GID4: variants seen among roughly 807,000 people sequenced by gnomAD.
GID4 encodes glucose-induced degradation protein 4 homolog.
A neutral mutation model predicts 32.4 loss-of-function variants in GID4; 7 were observed. That is an observed-to-expected ratio of 0.22 (90% CI 0.12 to 0.41). The LOEUF is 0.41. Ranked by LOEUF, GID4 falls within the 10% of genes least tolerant of loss-of-function variation. The pLI, the probability that GID4 is intolerant of heterozygous loss-of-function variation, is 1.00. For synonymous variants in GID4, 166 were observed against 170.0 expected, an observed-to-expected ratio of 0.98 and a Z score of 0.18; for missense variants, 309 against 400.0, an observed-to-expected ratio of 0.77 and a Z score of 1.94.
intron 5 of GID4, 120 bp downstream of exon 5, chr17:18,062,095 T>C: frequency 2.1e-6 from 2 of 966,118 alleles, no homozygotes; most frequent in Admixed American, 2.0e-5. Context: ...TGTGCTTTAT[T>C]TGGATGCTGA....
intron 3 of GID4, chr17:18,057,093 A>C (rs1364702995): frequency 8.0e-6 from 12 of 1,494,004 alleles, no homozygotes; most frequent in Admixed American, 4.4e-5. Flanking sequence ...TTATAGTGGT[A>C]CTATAAAGTC....
intron 5 of GID4, 114 bp downstream of exon 5, chr17:18,062,089 C>A: frequency 9.7e-7 from 1 of 1,026,848 alleles, no homozygotes; most frequent in Non-Finnish European, 1.5e-6. Context: ...AGATTCTGTG[C>A]TTTATTTGGA....
At chr17:18,060,731 T>TTTCG (rs1162713611) in intron 4 of GID4, among the ~76,000 whole-genome samples, 7 of 151,862 alleles carry the variant, frequency 4.6e-5, no homozygotes, top group Admixed American at 6.6e-5. Context: ...TTTTGGGTTT[T>TTTCG]TTTGTTTGTT....
rs76769873 is a variant in GID4, at chr17:18,040,241, A to G, written c.438+339A>G. On this transcript the variant is annotated intron_variant, in intron 1 of 5. Transcript: ENST00000268719. ...TTCCTCCCCATGACCTGTCGTCCCTAGATCAGGGACTGCCACCAGCCCTTT... is the reference window on the plus strand; with the variant it reads ...TTCCTCCCCATGACCTGTCGTCCCTGGATCAGGGACTGCCACCAGCCCTTT... Among the ~76,000 whole-genome samples, 939 of 152,122 alleles carry G rather than the reference A, an allele frequency of 6.2e-3. 16 individuals are homozygous for G. Among genetic ancestry groups the G allele is most frequent in the African/African-American group, 0.022 (906 of 41,506 alleles).
intron 2 of GID4, among the ~76,000 whole-genome samples, chr17:18,047,609 A>G (rs754748241): frequency 4.6e-5 from 7 of 152,198 alleles, no homozygotes; most frequent in Non-Finnish European, 1.0e-4. Context: ...GGCTAACCCA[A>G]GGGGAGCCCT....
chr17:18,039,922 G>A lies in GID4; in HGVS notation c.438+20G>A. 1 of 1,355,256 alleles carries A rather than the reference G, an allele frequency of 7.4e-7. No individual in the cohort carries two copies. The highest frequency in any genetic ancestry group is 9.6e-7 in the Non-Finnish European group (1 of 1,047,086). The allele number at this position is 1,355,256 out of a possible 1,614,324, so 84.0% of individuals were successfully genotyped here. ...CTGCAGGTGAGCGCCGGGCCGGGCC[G>A]GGGCCCGAGGGCCTCCTCGCGGCGC... On this transcript the variant is annotated intron_variant, in intron 1 of 5. Coordinates refer to ENST00000268719, the MANE Select transcript of GID4 (RefSeq NM_024052.5). The surrounding 1 kb of genome is among the most constrained non-coding windows in gnomAD (Gnocchi z 5.3).
At chr17:18,062,781 A>T (rs2045027151) in intron 5 of GID4, among the ~76,000 whole-genome samples, 1 of 152,190 alleles carries the variant, frequency 6.6e-6, no homozygotes. Flanking sequence ...AATCCTTTTT[A>T]AAAATAACAG....
At position 18,039,911 on chromosome 17, in the gene GID4, C is replaced by G; in HGVS notation, c.438+9C>G. 1 of 1,370,950 alleles carries G rather than the reference C, an allele frequency of 7.3e-7. No individual in the cohort carries two copies. 84.9% of individuals were successfully genotyped at this position (1,370,950 alleles called of 1,614,324 possible). A position where few individuals can be genotyped will look rare whatever the true frequency, so the allele number is the denominator to read the frequency against. On this transcript the variant is annotated intron_variant, in intron 1 of 5. Coordinates refer to ENST00000268719, the MANE Select transcript of GID4 (RefSeq NM_024052.5). The surrounding 1 kb of genome is among the most constrained non-coding windows in gnomAD (Gnocchi z 5.3). The stretch of plus-strand genomic sequence containing the variant: ...TAGAGGTGGTGCTGCAGGTGAGCGC[C>G]GGGCCGGGCCGGGGCCCGAGGGCCT...
intron 2 of GID4, among the ~76,000 whole-genome samples, chr17:18,048,166 G>A (rs113384331): frequency 6.6e-6 from 1 of 151,274 alleles, no homozygotes; most frequent in African/African-American, 2.4e-5. Flanking sequence ...CTCCCATAGC[G>A]CTGGGATTAC....
Position 18,054,209 on chromosome 17 carries a change from A to G in GID4, c.581A>G (p.Asp194Gly). 3 of 1,610,802 alleles carry G rather than the reference A, an allele frequency of 1.9e-6. No homozygotes were observed. The highest frequency in any genetic ancestry group is 1.1e-5 in the South Asian group (1 of 90,844). The stretch of plus-strand genomic sequence containing the variant: ...TTCTTAACTCGCAAGTGGGATGCAG[A>G]TGAAGATGTTGATCGGAAACACTGG... The part of the protein sequence containing the change: ...HPFLTRKWDA[D>G]EDVDRKHWGK... The change falls in exon 3 of 6, where the codon GAT becomes GGT. Residue 194 changes from aspartate (D) to glycine (G), a missense_variant. Physicochemically the swap from Asp to Gly is moderately conservative, Grantham distance 94. Transcript: ENST00000268719.
intron 1 of GID4, 136 bp downstream of exon 1, chr17:18,040,038 C>G: frequency 8.6e-7 from 1 of 1,164,048 alleles, no homozygotes; most frequent in South Asian, 3.9e-5. Flanking sequence ...GCTTCCCACC[C>G]GGGACCTTCC....
At chr17:18,045,621 G>A (rs950672566) in intron 2 of GID4, among the ~76,000 whole-genome samples, 2 of 151,954 alleles carry the variant, frequency 1.3e-5, no homozygotes, top group Non-Finnish European at 2.9e-5. Context: ...CTGACTGGTC[G>A]CGGTGGCTCA....
At chr17:18,054,053 T>A in intron 2 of GID4, 74 bp from the exon 3 acceptor site, 1 of 813,330 alleles carries the variant, frequency 1.2e-6, no homozygotes, top group South Asian at 1.8e-5. Flanking sequence ...TAAAGCAAAG[T>A]TTATTTTTCC....
At chr17:18,051,635 A>G (rs1319870415) in intron 2 of GID4, among the ~76,000 whole-genome samples, 1 of 151,774 alleles carries the variant, frequency 6.6e-6, no homozygotes, top group Non-Finnish European at 1.5e-5. Flanking sequence ...AGGTTGTACC[A>G]CTGCACACCA....
At chr17:18,048,830 A>G (rs1168273941) in intron 2 of GID4, among the ~76,000 whole-genome samples, 1 of 151,374 alleles carries the variant, frequency 6.6e-6, no homozygotes, top group African/African-American at 2.4e-5. Context: ...TTTAGTAGAA[A>G]TGGGGTTTTA....
chr17:18,039,992 A>G lies in GID4; in HGVS notation c.438+90A>G, dbSNP rs906383026. ...CGGCTCCTCGACCCCGCAGCCGCGG[A>G]ACAGGCCCTCGCCGCCGGGGCCTCC... On this transcript the variant is annotated intron_variant, in intron 1 of 5. Transcript: ENST00000268719. This position sits in a 1 kb window ranked among gnomAD's most constrained non-coding sequence, Gnocchi z 5.3. The G allele has an allele frequency of 4.8e-6, 6 of 1,259,780 alleles. No homozygotes were observed. The Admixed American group carries it at 2.1e-4, about 45-fold the overall frequency. 78.0% of individuals were successfully genotyped at this position (1,259,780 alleles called of 1,614,324 possible).
Position 18,061,904 on chromosome 17 carries a change from GT to G in GID4, c.770del (p.Phe257SerfsTer13). 1 of 1,613,970 alleles carries G rather than the reference GT, an allele frequency of 6.2e-7. No individual in the cohort carries two copies. The highest frequency in any genetic ancestry group is 8.5e-7 in the Non-Finnish European group (1 of 1,179,928). Reference sequence around the variant, plus strand: ...ACATCAGTGGTGCTTCTTTTGCCGGGTTCTACTACATCTGCTTTCAGAAGTC... The same window carrying G: ...ACATCAGTGGTGCTTCTTTTGCCGGGTCTACTACATCTGCTTTCAGAAGTC... ...KDISGASFAG[F>X]YYICFQKSAA... On this transcript the variant is annotated frameshift_variant, in exon 5 of 6. Coordinates refer to ENST00000268719, the MANE Select transcript of GID4 (RefSeq NM_024052.5). LOFTEE classifies it high-confidence loss of function. This position sits in a 1 kb window ranked among gnomAD's most constrained non-coding sequence, Gnocchi z 4.4.
intron 2 of GID4, among the ~76,000 whole-genome samples, chr17:18,046,522 C>T (rs1450452394): frequency 6.6e-6 from 1 of 151,932 alleles, no homozygotes; most frequent in Non-Finnish European, 1.5e-5. Flanking sequence ...GCTGGAGTAT[C>T]GCTTGAGGCT....
At chr17:18,050,917 G>C (rs978900708) in intron 2 of GID4, among the ~76,000 whole-genome samples, 4 of 152,040 alleles carry the variant, frequency 2.6e-5, no homozygotes, top group East Asian at 3.9e-4. Flanking sequence ...CCCCTCATTG[G>C]GCTGTAATAA....
Sources: gnomAD v4.1 joint callset for allele counts (sites outside exome capture counted in the v4.1 genomes callset) on GRCh38, gnomAD v4.1.1 for gene constraint, Gnocchi (gnomAD v3.1) non-coding constraint, MANE v1.5 for transcripts, NCBI Gene and HGNC (gene_info 2026-07-23, HGNC 2026-07-21) for gene names.